ASXL3: variants seen among roughly 807,000 people sequenced by gnomAD.
ASXL3 encodes the protein putative Polycomb group protein ASXL3.
A neutral mutation model predicts 170.6 loss-of-function variants in ASXL3; 34 were observed. The observed-to-expected ratio is 0.20, with a 90% confidence interval of 0.15 to 0.27. The LOEUF (loss-of-function observed/expected upper bound fraction) is 0.27. Among genes scored for constraint, ASXL3 ranks in the 10% least tolerant of loss-of-function variants. The pLI, the probability that ASXL3 is intolerant of heterozygous loss-of-function variation, is 1.00. For synonymous variants in ASXL3, 1,002 were observed against 989.1 expected (o/e 1.01, Z -0.24); for missense variants, 2,592 against 2,695.3 (o/e 0.96, Z 0.85).
At chr18:33,721,983 A>G (rs1030528597) in intron 8 of ASXL3, among the ~76,000 whole-genome samples, 7 of 152,026 alleles carry the variant, frequency 4.6e-5, no homozygotes, top group Non-Finnish European at 8.8e-5. Context: ...ATTATTATAT[A>G]TGGTGATATA....
intron 2 of ASXL3, among the ~76,000 whole-genome samples, chr18:33,629,407 C>T (rs903711501): frequency 6.6e-6 from 1 of 151,988 alleles, no homozygotes; most frequent in Admixed American, 6.6e-5. Context: ...TGTGATATCC[C>T]AAGTTGTGTT....
intron 7 of ASXL3, among the ~76,000 whole-genome samples, chr18:33,678,994 T>G (rs538930988): frequency 6.6e-4 from 101 of 152,338 alleles, no homozygotes; most frequent in Non-Finnish European, 1.1e-3. Context: ...TATGATATTC[T>G]TAAACATTTT....
intron 10 of ASXL3, among the ~76,000 whole-genome samples, chr18:33,736,014 A>C (rs919564731): frequency 6.6e-6 from 1 of 151,254 alleles, no homozygotes; most frequent in Non-Finnish European, 1.5e-5. Context: ...ATTTCATTTA[A>C]TCCTCCCAAC....
intron 4 of ASXL3, among the ~76,000 whole-genome samples, chr18:33,658,882 G>GT (rs1424943360): frequency 3.3e-5 from 5 of 152,058 alleles, no homozygotes; most frequent in African/African-American, 1.2e-4. Flanking sequence ...GTATTCCTTA[G>GT]TGCAGTTTCA....
intron 11 of ASXL3, among the ~76,000 whole-genome samples, chr18:33,741,740 A>G (rs528959898): frequency 6.6e-6 from 1 of 152,362 alleles, no homozygotes; most frequent in East Asian, 1.9e-4. Flanking sequence ...AACAGAATAC[A>G]TGGAAACACC....
chr18:33,602,576 T>G (rs1205464056), intron 1 of ASXL3, among the ~76,000 whole-genome samples: 4 of 152,148 alleles, frequency 2.6e-5, no homozygotes, highest in Non-Finnish European at 4.4e-5. Context: ...ATATTAATTC[T>G]AAGTCTTTTG....
At position 33,746,803 on chromosome 18, in the gene ASXL3, G is replaced by A; in HGVS notation, c.*208G>A. 2.8e-6 allele frequency: 2 copies of A among 725,684 alleles called. No homozygotes were observed. Among genetic ancestry groups the A allele is most frequent in the Middle Eastern group, 4.2e-4 (1 of 2,402 alleles). The allele number at this position is 725,684 out of a possible 1,614,324, so 45.0% of individuals were successfully genotyped here. On this transcript the variant is annotated 3_prime_UTR_variant, in exon 12 of 12. Transcript: ENST00000269197. ...AATGGCTCACTGGCATGTCTTTTAT[G>A]TGTTCAGTTGCCATTCCTAGCTTTG... is the stretch of plus-strand genomic sequence containing the variant.
chr18:33,646,324 A>C lies in ASXL3; in HGVS notation c.326A>C (p.Glu109Ala). ...ESELDGTDMA[E>A]ANAHGEENGV... ...GAATTGGATGGTACAGATATGGCCG[A>C]GGCAAATGCCCATGGAGAAGAAAAT... Residue 109 changes from glutamate to alanine, a missense_variant, in exon 4 of 12, where the codon GAG becomes GCG. Physicochemically the swap from Glu to Ala is moderately radical, Grantham distance 107. Coordinates refer to ENST00000269197, the MANE Select transcript of ASXL3 (RefSeq NM_030632.3). 6.8e-6 allele frequency: 11 copies of C among 1,610,576 alleles called. No individual in the cohort carries two copies. Among genetic ancestry groups the C allele is most frequent in the Non-Finnish European group, 8.5e-6 (10 of 1,177,696 alleles).
chr18:33,715,010 G>C (rs899474537), intron 8 of ASXL3, among the ~76,000 whole-genome samples: 3 of 152,112 alleles, frequency 2.0e-5, no homozygotes, highest in Admixed American at 6.6e-5. Flanking sequence ...CGAAGGTGTA[G>C]GGTTCTTCTA....
Position 33,734,334 on chromosome 18 carries a change from T to C in ASXL3, c.1001T>C (p.Leu334Ser). Residue 334 changes from leucine (L) to serine (S), a missense_variant, in exon 10 of 12, where the codon TTG becomes TCG. Physicochemically the swap from Leu to Ser is moderately radical, Grantham distance 145. Transcript: ENST00000269197. Reference sequence around the variant, plus strand: ...GGAGAGTTTACCCCAGAAATGCAGTTGCGGATAAGGCAAGAAATTGAGAAG... The same window carrying C: ...GGAGAGTTTACCCCAGAAATGCAGTCGCGGATAAGGCAAGAAATTGAGAAG... ...AEGEFTPEMQ[L>S]RIRQEIEKEK... is the part of the protein sequence containing the mutation. 3.1e-6 allele frequency: 5 copies of C among 1,606,424 alleles called. No homozygotes were observed. The highest frequency in any genetic ancestry group is 4.2e-6 in the Non-Finnish European group (5 of 1,176,876).
intron 5 of ASXL3, among the ~76,000 whole-genome samples, chr18:33,668,815 C>A (rs1203168491): frequency 1.3e-5 from 2 of 152,010 alleles, no homozygotes; most frequent in Non-Finnish European, 2.9e-5. Flanking sequence ...AAAAGACATG[C>A]CAGCTTTGAC....
Position 33,744,558 on chromosome 18 carries a change from T to C in ASXL3, c.4710T>C (p.Asn1570=), listed in dbSNP as rs2067734535. Residue 1570 remains asparagine (N), a synonymous_variant, in exon 12 of 12, where the codon AAT becomes AAC. Transcript: ENST00000269197. ...RELPLVPDKL[N]EPTAPSHNFA... ...TACCCCTTGTTCCAGATAAATTAAA[T>C]GAGCCGACTGCTCCCAGTCATAACT... 4 of 1,611,588 alleles carry C rather than the reference T, an allele frequency of 2.5e-6. No homozygotes were observed. In the Middle Eastern group the frequency reaches 4.9e-4, roughly 199 times the overall value.
Position 33,622,998 on chromosome 18 carries a change from T to C in ASXL3, c.137+15322T>C, listed in dbSNP as rs2065539159. On this transcript the variant is annotated intron_variant, in intron 2 of 11. Coordinates refer to ENST00000269197, the MANE Select transcript of ASXL3 (RefSeq NM_030632.3). ...ATATTAAAGATGTGTTATCACTTTTTACCTTTGAAAAAAATTACCTATATA... is the reference window on the plus strand; with the variant it reads ...ATATTAAAGATGTGTTATCACTTTTCACCTTTGAAAAAAATTACCTATATA... Among the ~76,000 whole-genome samples, 4 of 152,152 alleles carry C rather than the reference T, an allele frequency of 2.6e-5. No homozygotes were observed. The South Asian group carries it at 6.2e-4, about 24-fold the overall frequency.
chr18:33,579,561 C>T (rs1163733282), intron 1 of ASXL3, among the ~76,000 whole-genome samples: 1 of 152,098 alleles, frequency 6.6e-6, no homozygotes, highest in African/African-American at 2.4e-5. Flanking sequence ...AGAGGGGCGT[C>T]GGCGTCTTTG....
intron 8 of ASXL3, among the ~76,000 whole-genome samples, chr18:33,709,715 C>T (rs2067023543): frequency 6.6e-6 from 1 of 152,170 alleles, no homozygotes; most frequent in Non-Finnish European, 1.5e-5. Context: ...TGATTCGAGC[C>T]ATGCTTATGA....
chr18:33,584,953 A>T (rs1394959999), intron 1 of ASXL3, among the ~76,000 whole-genome samples: 3 of 151,704 alleles, frequency 2.0e-5, no homozygotes, highest in Non-Finnish European at 2.9e-5. Context: ...GTCATTTTTT[A>T]AAAAAACAAT....
At chr18:33,647,656 G>A (rs927062072) in intron 4 of ASXL3, among the ~76,000 whole-genome samples, 8 of 151,970 alleles carry the variant, frequency 5.3e-5, no homozygotes, top group East Asian at 1.9e-4. Flanking sequence ...CTGGGTGAGC[G>A]CTCATGTGCT....
At chr18:33,715,489 T>G (rs540841531) in intron 8 of ASXL3, among the ~76,000 whole-genome samples, 2 of 152,330 alleles carry the variant, frequency 1.3e-5, no homozygotes, top group South Asian at 4.1e-4. Context: ...CAGCTTAGCC[T>G]TCTGTTATCC....
chr18:33,606,172 A>G (rs577161947), intron 1 of ASXL3, among the ~76,000 whole-genome samples: 2 of 151,912 alleles, frequency 1.3e-5, no homozygotes, highest in South Asian at 4.2e-4. Flanking sequence ...CCTCTTCCCT[A>G]AACAACTTTG....
Sources: allele counts gnomAD v4.1 joint callset (sites outside exome capture counted in the v4.1 genomes callset), GRCh38; gene constraint gnomAD v4.1.1; transcripts MANE v1.5; gene names NCBI Gene and HGNC (gene_info 2026-07-23, HGNC 2026-07-21).